Variants in AKNAD1 observed in about 807,000 individuals in gnomAD.
The protein encoded by AKNAD1 is protein AKNAD1.
A neutral mutation model predicts 90.8 loss-of-function variants in AKNAD1; 67 were observed. That is an observed-to-expected ratio of 0.74 (90% CI 0.61 to 0.90). AKNAD1 has a LOEUF of 0.90. AKNAD1 is among the 40% of genes least tolerant of loss of function. The probability of loss-of-function intolerance (pLI) is 0.00; values close to 1 mark genes in which losing one functional copy is unlikely to be tolerated. For missense variants in AKNAD1, 957 were observed against 975.4 expected, an observed-to-expected ratio of 0.98 and a Z score of 0.25; for synonymous variants, 327 against 341.4, an observed-to-expected ratio of 0.96 and a Z score of 0.46.
chr1:108,850,905 G>A (rs1664835417), intron 2 of AKNAD1, among the ~76,000 whole-genome samples: 1 of 121,724 alleles, frequency 8.2e-6, no homozygotes, highest in Admixed American at 9.9e-5. Flanking sequence ...TGAGAAGTTG[G>A]CGTAAGGGAA....
intron 6 of AKNAD1, among the ~76,000 whole-genome samples, chr1:108,842,777 G>T (rs1664587378): frequency 6.6e-6 from 1 of 152,078 alleles, no homozygotes; most frequent in Non-Finnish European, 1.5e-5. Flanking sequence ...TGAGAAGAGG[G>T]CCCTCTGTGG....
intron 14 of AKNAD1, among the ~76,000 whole-genome samples, chr1:108,820,195 T>C (rs569202335): frequency 6.6e-5 from 10 of 152,312 alleles, no homozygotes; most frequent in African/African-American, 2.2e-4. Context: ...TTCATACTTA[T>C]CCTTCGAAGC....
At chr1:108,853,975 A>G (rs1664949811) in intron 1 of AKNAD1, among the ~76,000 whole-genome samples, 2 of 152,062 alleles carry the variant, frequency 1.3e-5, no homozygotes, top group Admixed American at 6.5e-5. Context: ...AGGGACAAAT[A>G]GGCTTTCAAA....
rs368439907 is a variant in AKNAD1, at chr1:108,852,456, G to A, written c.209C>T (p.Thr70Ile). The A allele has an allele frequency of 6.2e-7, 1 of 1,613,808 alleles. No homozygotes were observed. The highest frequency in any genetic ancestry group is 8.5e-7 in the Non-Finnish European group (1 of 1,179,878). ...TTCAGTAATTTTACCCAGGGGTATG[G>A]TCACAGCTGTATTTCCACAAGTCTC... ...HSETCGNTAVTIPLGKITENA... is the reference protein window; with the variant it reads ...HSETCGNTAVIIPLGKITENA... Residue 70 changes from threonine to isoleucine, a missense_variant, in exon 2 of 16, where the codon ACC becomes ATC. Coordinates refer to ENST00000370001, the MANE Select transcript of AKNAD1 (RefSeq NM_152763.5).
chr1:108,820,619 TA>T lies in AKNAD1; in HGVS notation c.2174del (p.Leu725Ter), dbSNP rs779266259. On this transcript the variant is annotated frameshift_variant, in exon 14 of 16. Coordinates refer to ENST00000370001, the MANE Select transcript of AKNAD1 (RefSeq NM_152763.5). LOFTEE classifies it high-confidence loss of function. Reference protein sequence around the residue: ...DESKNSSPSFLKPKRICSQRV... With the variant: ...DESKNSSPSFXKPKRICSQRV... ...TCTGAGAACAGATCCGTTTGGGTTT[TA>T]AAAAAGCTGAAAAATGTTAGCTATC... 3 of 1,605,088 alleles carry T rather than the reference TA, an allele frequency of 1.9e-6. No homozygotes were observed. The highest frequency in any genetic ancestry group is 3.4e-4 in the Middle Eastern group (2 of 5,912).
chr1:108,827,111 G>T, intron 11 of AKNAD1, 94 bp downstream of exon 11: 1 of 826,778 alleles, frequency 1.2e-6, no homozygotes, highest in Non-Finnish European at 2.1e-6. Context: ...AAATGCTCTT[G>T]GAGTGGCAGA....
chr1:108,848,510 G>A (rs1412755120), intron 5 of AKNAD1, among the ~76,000 whole-genome samples: 1 of 152,124 alleles, frequency 6.6e-6, no homozygotes, highest in Non-Finnish European at 1.5e-5. Context: ...GATTAATTAT[G>A]AGTAACCTGG....
chr1:108,831,838 C>T (rs1664208270), intron 9 of AKNAD1, among the ~76,000 whole-genome samples: 1 of 152,068 alleles, frequency 6.6e-6, no homozygotes, highest in Non-Finnish European at 1.5e-5. Context: ...GTTGGCCGGG[C>T]TGGTCTTGAG....
chr1:108,833,996 T>C (rs191158569), intron 9 of AKNAD1, among the ~76,000 whole-genome samples: 8 of 152,220 alleles, frequency 5.3e-5, no homozygotes, highest in African/African-American at 1.9e-4. Flanking sequence ...TAATATAATA[T>C]CATTTAAGAC....
chr1:108,826,795 G>A (rs1358532949), intron 11 of AKNAD1, among the ~76,000 whole-genome samples: 2 of 144,868 alleles, frequency 1.4e-5, no homozygotes, highest in African/African-American at 2.6e-5. Context: ...GCTGGAGTAC[G>A]GTGGCATGAT....
At position 108,852,592 on chromosome 1, in the gene AKNAD1, G is replaced by C; in HGVS notation, c.73C>G (p.Gln25Glu). ...EDLPYDGDLS[Q>E]IKIGNDYSFT... ...CTGTAATCATTGCCTATCTTAATCT[G>C]AGAGAGGTCCCCATCATAAGGCAAA... Residue 25 changes from glutamine (Q) to glutamate (E), a missense_variant, in exon 2 of 16, where the codon CAG becomes GAG. Physicochemically the swap from Gln to Glu is conservative, Grantham distance 29. Transcript: ENST00000370001. 1 of 1,611,872 alleles carries C rather than the reference G, an allele frequency of 6.2e-7. No homozygotes were observed. The highest frequency in any genetic ancestry group is 8.5e-7 in the Non-Finnish European group (1 of 1,179,312).
intron 10 of AKNAD1, among the ~76,000 whole-genome samples, chr1:108,829,664 A>G (rs1664121519): frequency 6.6e-6 from 1 of 152,162 alleles, no homozygotes; most frequent in Non-Finnish European, 1.5e-5. Context: ...AGAACTCTTA[A>G]GGCAGGTGCC....
rs188602539 is a variant in AKNAD1, at chr1:108,823,265, G to T, written c.2167+105C>A. The T allele has an allele frequency of 5.3e-6, 5 of 937,546 alleles. No homozygotes were observed. The East Asian group carries it at 1.2e-4, about 23-fold the overall frequency. 58.1% of individuals were successfully genotyped at this position (937,546 alleles called of 1,614,324 possible). ...AAGACCTGGGCAGCAAAATGGAGAGGCCAGGGCTTCCCAGATGGAAGCAGT... is the reference window on the plus strand; with the variant it reads ...AAGACCTGGGCAGCAAAATGGAGAGTCCAGGGCTTCCCAGATGGAAGCAGT... On this transcript the variant is annotated intron_variant, in intron 13 of 15. Transcript: ENST00000370001.
chr1:108,823,748 C>T (rs7522260), intron 11 of AKNAD1, 60 bp from the exon 12 acceptor site: 1,038,210 of 1,609,570 alleles, frequency 0.65, 341,957 homozygotes, highest in Non-Finnish European at 0.69. Flanking sequence ...TCATAAAATA[C>T]GGTGTGGAGA....
At chr1:108,827,181 C>T in intron 11 of AKNAD1, 24 bp downstream of exon 11, 1 of 1,587,732 alleles carries the variant, frequency 6.3e-7, no homozygotes, top group East Asian at 2.3e-5. Flanking sequence ...AAAATGAGCA[C>T]CCAGCCCAAG....
At chr1:108,825,440 G>A (rs1663965227) in intron 11 of AKNAD1, among the ~76,000 whole-genome samples, 1 of 151,630 alleles carries the variant, frequency 6.6e-6, no homozygotes, top group African/African-American at 2.4e-5. Flanking sequence ...TGCATTACAG[G>A]GATGTTGTGA....
rs931121901 is a variant in AKNAD1, at chr1:108,818,947, T to G, written c.2249+1598A>C. 4.4e-5 allele frequency among the ~76,000 whole-genome samples: 5 copies of G among 114,808 alleles called. No individual in the cohort carries two copies. In the Admixed American group the frequency reaches 4.5e-4, roughly 10 times the overall value. 75.3% of individuals were successfully genotyped at this position (114,808 alleles called of 152,430 possible). A position where few individuals can be genotyped will look rare whatever the true frequency, so the allele number is the denominator to read the frequency against. ...CCACTTCACTCCAGCCTGGGCGAAA[T>G]AGTGAAACTCCATCTCAAAAAAAAA... On this transcript the variant is annotated intron_variant, in intron 14 of 15. Transcript: ENST00000370001.
At chr1:108,845,276 C>G (rs1229860635) in intron 5 of AKNAD1, among the ~76,000 whole-genome samples, 1 of 152,190 alleles carries the variant, frequency 6.6e-6, no homozygotes, top group Non-Finnish European at 1.5e-5. Flanking sequence ...CACAGGCTCC[C>G]CTGGGCCCTG....
intron 10 of AKNAD1, among the ~76,000 whole-genome samples, chr1:108,828,402 G>C (rs1360554711): frequency 1.3e-5 from 2 of 151,694 alleles, no homozygotes; most frequent in African/African-American, 4.8e-5. Context: ...TCCTCCAAAG[G>C]AATTCGAATT....
Sources: gnomAD v4.1 joint callset for allele counts (sites outside exome capture counted in the v4.1 genomes callset) on GRCh38, gnomAD v4.1.1 for gene constraint, MANE v1.5 for transcripts, NCBI Gene and HGNC (gene_info 2026-07-23, HGNC 2026-07-21) for gene names.